Variants in FAHD1 observed in about 807,000 individuals in gnomAD.
FAHD1 encodes the protein FAH domain containing oxaloacetate decarboxylase 1.
In FAHD1, 14 loss-of-function variants were observed where a neutral mutation model predicts 12.7. The ratio of observed to expected loss-of-function variants is 1.10; its 90% CI spans 0.73 to 1.72. The LOEUF (loss-of-function observed/expected upper bound fraction) is 1.72, where lower values mean the gene tolerates loss of function less well. Among genes scored for constraint, FAHD1 ranks in the 40% most tolerant of loss-of-function variants. FAHD1 has a pLI of 0.00. For missense variants in FAHD1, 351 were observed against 298.9 expected (o/e 1.17, Z -1.29); for synonymous variants, 153 against 124.9 (o/e 1.22, Z -1.50).
downstream of FAHD1, among the ~76,000 whole-genome samples, chr16:1,830,542 G>A (rs960524810): frequency 5.3e-5 from 8 of 152,284 alleles, 1 homozygote; most frequent in South Asian, 4.1e-4. Flanking sequence ...AGCCAGCACC[G>A]AGTACAGTGC....
exon 3 of FAHD1, chr16:1,839,602 C>A (rs1003023013): frequency 9.9e-6 from 6 of 603,862 alleles, no homozygotes; most frequent in Non-Finnish European, 1.6e-5. Flanking sequence ...AACAGTAAAA[C>A]ACACTTTCTA....
chr16:1,836,767 C>G (rs549839073), intron 1 of FAHD1, among the ~76,000 whole-genome samples: 26 of 147,354 alleles, frequency 1.8e-4, no homozygotes, highest in Non-Finnish European at 2.8e-4. Flanking sequence ...CATAATAACA[C>G]TAATTCTCTC....
At chr16:1,833,122 T>G (rs1015124896), downstream of FAHD1, among the ~76,000 whole-genome samples, 1 of 152,028 alleles carries the variant, frequency 6.6e-6, no homozygotes, top group African/African-American at 2.4e-5. Context: ...TAGCGGTGGG[T>G]CTTCACAGCT....
intron 2 of FAHD1, among the ~76,000 whole-genome samples, chr16:1,838,843 C>T (rs1898819310): frequency 6.6e-6 from 1 of 152,152 alleles, no homozygotes; most frequent in South Asian, 2.1e-4. Context: ...AAGTGCACGT[C>T]ACCACACCCA....
exon 1 of FAHD1, chr16:1,827,914 TAAC>T (rs1898534410): frequency 6.2e-7 from 1 of 1,607,832 alleles, no homozygotes; most frequent in Non-Finnish European, 8.5e-7. Flanking sequence ...AGTTATTTCT[TAAC>T]AAGTTTCGAG....
exon 1 of FAHD1, chr16:1,827,671 C>T: frequency 6.2e-7 from 1 of 1,614,128 alleles, no homozygotes; most frequent in Non-Finnish European, 8.5e-7. Context: ...CAAGCTGAAG[C>T]TCTGGCTCAA....
Position 1,837,958 on chromosome 16 carries a change from T to C in FAHD1, c.628-58T>C, listed in dbSNP as rs75334169. On this transcript the variant is annotated intron_variant, in intron 1 of 2. Coordinates refer to the FAHD1 transcript ENST00000382666. The stretch of plus-strand genomic sequence containing the variant: ...CAACAGTGTGAAACAAACTTTCTCA[T>C]TAGAAATGAAATTTTATTTGCAGTA... 427 of 1,447,572 alleles carry C rather than the reference T, an allele frequency of 2.9e-4. No individual in the cohort carries two copies. In the African/African-American group the frequency reaches 5.5e-3, roughly 19 times the overall value. The allele number at this position is 1,447,572 out of a possible 1,614,324, so 89.7% of individuals were successfully genotyped here.
chr16:1,831,324 C>T (rs1439535526), downstream of FAHD1, among the ~76,000 whole-genome samples: 5 of 152,122 alleles, frequency 3.3e-5, no homozygotes, highest in African/African-American at 4.8e-5. Flanking sequence ...AAGGAGTGCT[C>T]TCAGGAGAAG....
At chr16:1,831,731 CATTCCCGCCCGAGTTCT>C (rs1898623806), downstream of FAHD1, among the ~76,000 whole-genome samples, 1 of 152,164 alleles carries the variant, frequency 6.6e-6, no homozygotes, top group Non-Finnish European at 1.5e-5. Flanking sequence ...GGCAAGTGAG[CATTCCCGCCCGAGTTCT>C]GCTTCCCGTC....
chr16:1,833,807 C>CA (rs1296358952), downstream of FAHD1, among the ~76,000 whole-genome samples: 2 of 152,082 alleles, frequency 1.3e-5, no homozygotes, highest in African/African-American at 4.8e-5. Flanking sequence ...CTTGGCATCC[C>CA]AAAGTGCTGG....
At chr16:1,838,692 T>G (rs767077543) in intron 2 of FAHD1, among the ~76,000 whole-genome samples, 13 of 149,314 alleles carry the variant, frequency 8.7e-5, no homozygotes, top group Admixed American at 2.0e-4. Context: ...TAGTGTTTTG[T>G]TTTTTTTTTA....
At chr16:1,834,328 A>G (rs998640056) in intron 1 of FAHD1, 9 of 1,612,668 alleles carry the variant, frequency 5.6e-6, no homozygotes, top group African/African-American at 5.3e-5. Flanking sequence ...AGAGTACACT[A>G]ATTTTCAATC....
exon 1 of FAHD1, chr16:1,827,612 C>A (rs746275903): frequency 6.2e-7 from 1 of 1,613,908 alleles, no homozygotes; most frequent in Non-Finnish European, 8.5e-7. Context: ...TTCACGGCGT[C>A]CTGCCCGGTC....
downstream of FAHD1, among the ~76,000 whole-genome samples, chr16:1,829,367 C>T (rs1208406224): frequency 6.6e-6 from 1 of 152,112 alleles, no homozygotes; most frequent in Non-Finnish European, 1.5e-5. Flanking sequence ...AAGCCATAAG[C>T]TTAGTATGAT....
intron 2 of FAHD1, among the ~76,000 whole-genome samples, chr16:1,838,682 T>G (rs1000472736): frequency 6.6e-6 from 1 of 152,078 alleles, no homozygotes; most frequent in African/African-American, 2.4e-5. Context: ...CATGTTTCCT[T>G]AGTGTTTTGT....
exon 3 of FAHD1, chr16:1,839,416 T>G (rs1898839386): frequency 6.2e-7 from 1 of 1,612,680 alleles, no homozygotes; most frequent in South Asian, 1.1e-5. Flanking sequence ...GATGCTTCAT[T>G]TACAATATAA....
In FAHD1 at chr16:1,827,207, C is replaced by G. The variant is rs369066164; in HGVS notation, c.-32C>G. Reference sequence around the variant, plus strand: ...GTAGGCATCAGCTGACCGGCCCAGCCCACGTGACTACAGGGGCACTTGATG... The same window carrying G: ...GTAGGCATCAGCTGACCGGCCCAGCGCACGTGACTACAGGGGCACTTGATG... On this transcript the variant is annotated 5_prime_UTR_variant, in exon 1 of 1. Coordinates refer to ENST00000427358, the Ensembl canonical transcript of FAHD1. 9.5e-6 allele frequency: 15 copies of G among 1,581,262 alleles called. 1 individual carries two copies. The highest frequency in any genetic ancestry group is 8.0e-5 in the African/African-American group (6 of 74,604).
downstream of FAHD1, among the ~76,000 whole-genome samples, chr16:1,829,901 T>C (rs1167113222): frequency 6.6e-6 from 1 of 152,178 alleles, no homozygotes; most frequent in Non-Finnish European, 1.5e-5. Context: ...TTAACTCTTT[T>C]TGCCCAGGCT....
chr16:1,837,876 T>A lies in FAHD1; in HGVS notation c.628-140T>A, dbSNP rs934882655. 5 of 1,346,748 alleles carry A rather than the reference T, an allele frequency of 3.7e-6. No individual in the cohort carries two copies. In the African/African-American group the frequency reaches 7.5e-5, roughly 20 times the overall value. The allele number at this position is 1,346,748 out of a possible 1,614,324, so 83.4% of individuals were successfully genotyped here. On this transcript the variant is annotated intron_variant, in intron 1 of 2. Transcript: ENST00000382666. The stretch of plus-strand genomic sequence containing the variant: ...ATTGCAAGAAACTCATGTACCTGGT[T>A]AAAAAAAAAATATGAGACAAATATA...
Sources: gnomAD v4.1 joint callset for allele counts (sites outside exome capture counted in the v4.1 genomes callset) on GRCh38, gnomAD v4.1.1 for gene constraint, MANE v1.5 for transcripts, NCBI Gene and HGNC (gene_info 2026-07-23, HGNC 2026-07-21) for gene names.